ERP29: variants seen among roughly 807,000 people sequenced by gnomAD.
ERP29 encodes endoplasmic reticulum protein 29, also known as endoplasmic reticulum resident protein 29.
A neutral mutation model predicts 21.7 loss-of-function variants in ERP29; 14 were observed. The ratio of observed to expected loss-of-function variants is 0.64; its 90% confidence interval spans 0.43 to 1.01. ERP29 has a LOEUF of 1.01. Ranked by LOEUF, ERP29 falls within the 50% of genes least tolerant of loss-of-function variation. ERP29 has a pLI of 0.00. For missense variants in ERP29, 286 were observed against 327.3 expected (o/e 0.87, Z 0.97); for synonymous variants, 129 against 139.1 (o/e 0.93, Z 0.51).
chr12:112,022,744 T>C lies in ERP29; in HGVS notation c.*92T>C. On this transcript the variant is annotated 3_prime_UTR_variant, in exon 3 of 3. Transcript: ENST00000261735. ...GAGTCCCTTGTGGAATATAAGGGGG[T>C]AGTGGGAAAAGTGGTACTAACCCAC... The C allele has an allele frequency of 7.3e-7, 1 of 1,370,676 alleles. No homozygotes were observed. The highest frequency in any genetic ancestry group is 9.9e-7 in the Non-Finnish European group (1 of 1,013,034). The allele number at this position is 1,370,676 out of a possible 1,614,324, so 84.9% of individuals were successfully genotyped here.
chr12:112,018,481 G>A (rs1245862043), intron 1 of ERP29, among the ~76,000 whole-genome samples: 1 of 152,184 alleles, frequency 6.6e-6, no homozygotes, highest in Non-Finnish European at 1.5e-5. Context: ...GAAAAAACTT[G>A]ATAGGGATCA....
At chr12:112,018,471 GA>G (rs986807784) in intron 1 of ERP29, among the ~76,000 whole-genome samples, 1 of 152,174 alleles carries the variant, frequency 6.6e-6, no homozygotes, top group African/African-American at 2.4e-5. Context: ...TGCCTGTGAT[GA>G]AAAAACTTGA....
rs527527361 is a variant in ERP29, at chr12:112,019,535, G to C, written c.145-221G>C. The C allele has an allele frequency of 1.6e-4, 91 of 579,198 alleles. 1 individual carries two copies. The East Asian group carries it at 2.8e-3, about 18-fold the overall frequency. The allele number at this position is 579,198 out of a possible 1,614,324, so 35.9% of individuals were successfully genotyped here. On this transcript the variant is annotated intron_variant, in intron 1 of 2. Transcript: ENST00000261735. The stretch of plus-strand genomic sequence containing the variant: ...TCTGGACAGGGTTGTGTATATCTTT[G>C]ATTAGTGTGAACAGGTACTAATGGG...
chr12:112,014,441 T>C (rs1414238863), intron 1 of ERP29: 1 of 152,290 alleles, frequency 6.6e-6, no homozygotes, highest in Non-Finnish European at 1.5e-5. Context: ...GGAAAAGTTG[T>C]CTTCCATGAA....
chr12:112,017,773 C>CTT (rs1277916971), intron 1 of ERP29, among the ~76,000 whole-genome samples: 1 of 131,908 alleles, frequency 7.6e-6, no homozygotes. Context: ...AACATTGTAT[C>CTT]TTTTTTTTTC....
chr12:112,021,895 T>C (rs1269393502), intron 2 of ERP29, among the ~76,000 whole-genome samples: 1 of 152,180 alleles, frequency 6.6e-6, no homozygotes, highest in Non-Finnish European at 1.5e-5. Flanking sequence ...AGTGGGCATA[T>C]AATAAATATT....
chr12:112,018,932 T>C (rs944804821), intron 1 of ERP29: 2 of 152,196 alleles, frequency 1.3e-5, no homozygotes, highest in African/African-American at 4.8e-5. Context: ...TACATTTCCA[T>C]CAGAATAGAC....
In ERP29 at chr12:112,013,592, A is replaced by G. The variant is rs143957874; in HGVS notation, c.127A>G (p.Thr43Ala). 5 of 1,600,666 alleles carry G rather than the reference A, an allele frequency of 3.1e-6. No homozygotes were observed. The African/African-American group carries it at 6.8e-5, about 22-fold the overall frequency. The change falls in exon 1 of 3, where the codon ACG becomes GCG. Residue 43 changes from threonine (T) to alanine (A), a missense_variant. By Grantham distance (58) the Thr-to-Ala change is moderately conservative. Transcript: ENST00000261735. ...LHTKGALPLD[T>A]VTFYKVIPKS... is the part of the protein sequence containing the mutation. ...CACCAAGGGCGCCCTTCCCCTGGATACGGTCACTTTCTACAAGGTAACCGG... is the reference window on the plus strand; with the variant it reads ...CACCAAGGGCGCCCTTCCCCTGGATGCGGTCACTTTCTACAAGGTAACCGG...
chr12:112,016,755 G>A (rs1317959629), intron 1 of ERP29, among the ~76,000 whole-genome samples: 1 of 152,158 alleles, frequency 6.6e-6, no homozygotes, highest in Non-Finnish European at 1.5e-5. Context: ...GCCGGACGTG[G>A]TGGCGGGCAC....
chr12:112,020,470 T>C (rs1451575189), intron 2 of ERP29, among the ~76,000 whole-genome samples: 1 of 152,118 alleles, frequency 6.6e-6, no homozygotes, highest in East Asian at 1.9e-4. Context: ...CTCCATGTTA[T>C]ACTTCAGGAA....
chr12:112,015,448 A>G (rs565598193), intron 1 of ERP29: 1 of 152,546 alleles, frequency 6.6e-6, no homozygotes, highest in South Asian at 2.1e-4. Flanking sequence ...TCATCATGCC[A>G]TGACACTCCA....
At chr12:112,015,689 A>G (rs2078007676) in intron 1 of ERP29, among the ~76,000 whole-genome samples, 1 of 152,124 alleles carries the variant, frequency 6.6e-6, no homozygotes. Context: ...AGTGTTTTCT[A>G]CTATTACCAC....
intron 1 of ERP29, among the ~76,000 whole-genome samples, chr12:112,016,071 T>A (rs534489467): frequency 4.7e-4 from 71 of 152,372 alleles, no homozygotes; most frequent in African/African-American, 1.5e-3. Flanking sequence ...ACTGATTTTT[T>A]AAAAATCTAT....
At position 112,022,387 on chromosome 12, in the gene ERP29, T is replaced by G; in HGVS notation, c.521T>G (p.Val174Gly). The part of the protein sequence containing the change: ...LAGEFIRASG[V>G]EARQALLKQG... ...GGGGAGTTCATCAGGGCCTCTGGTGTGGAGGCCCGCCAGGCCCTCTTGAAG... is the reference window on the plus strand; with the variant it reads ...GGGGAGTTCATCAGGGCCTCTGGTGGGGAGGCCCGCCAGGCCCTCTTGAAG... Residue 174 changes from valine (V) to glycine (G), a missense_variant, in exon 3 of 3, where the codon GTG (valine) becomes GGG (glycine). Coordinates refer to ENST00000261735, the MANE Select transcript of ERP29 (RefSeq NM_006817.4). 1 of 1,614,102 alleles carries G rather than the reference T, an allele frequency of 6.2e-7. No individual in the cohort carries two copies. The highest frequency in any genetic ancestry group is 1.7e-5 in the Admixed American group (1 of 60,024).
intron 1 of ERP29, among the ~76,000 whole-genome samples, chr12:112,016,708 G>T (rs2078014720): frequency 6.6e-6 from 1 of 152,100 alleles, no homozygotes; most frequent in South Asian, 2.1e-4. Context: ...GGCTAACACG[G>T]TGAAACCCTG....
At chr12:112,015,945 A>G (rs1321183893) in intron 1 of ERP29, among the ~76,000 whole-genome samples, 1 of 152,198 alleles carries the variant, frequency 6.6e-6, no homozygotes, top group Non-Finnish European at 1.5e-5. Context: ...GTTACTTCTC[A>G]TCATTCGGGC....
Position 112,022,294 on chromosome 12 carries a change from G to A in ERP29, c.428G>A (p.Arg143His), listed in dbSNP as rs895507250. 8.1e-6 allele frequency: 13 copies of A among 1,612,896 alleles called. No individual in the cohort carries two copies. Among genetic ancestry groups the A allele is most frequent in the East Asian group, 2.2e-5 (1 of 44,878 alleles). The part of the protein sequence containing the change: ...TGAVKVGAIQ[R>H]WLKGQGVYLG... ...GCAGTTAAGGTTGGAGCCATCCAGC[G>A]CTGGCTGAAGGGGCAAGGGGTCTAC... is the stretch of plus-strand genomic sequence containing the variant. The change falls in exon 3 of 3, where the codon CGC (arginine) becomes CAC (histidine). Residue 143 changes from arginine (R) to histidine (H), a missense_variant. Arg to His is a conservative substitution (Grantham distance 29, BLOSUM62 0). Coordinates refer to ENST00000261735, the MANE Select transcript of ERP29 (RefSeq NM_006817.4).
intron 1 of ERP29, among the ~76,000 whole-genome samples, chr12:112,015,996 A>G (rs970930650): frequency 6.6e-6 from 1 of 151,930 alleles, no homozygotes; most frequent in African/African-American, 2.4e-5. Context: ...TCCTTGATTT[A>G]TCTTCCCCCC....
chr12:112,021,873 C>T (rs1327978522), intron 2 of ERP29, among the ~76,000 whole-genome samples: 1 of 152,118 alleles, frequency 6.6e-6, no homozygotes, highest in Admixed American at 6.5e-5. Flanking sequence ...CCTAGAACAG[C>T]ATCTGACACA....
Sources: gnomAD v4.1 joint callset for allele counts (sites outside exome capture counted in the v4.1 genomes callset) on GRCh38, gnomAD v4.1.1 for gene constraint, MANE v1.5 for transcripts, NCBI Gene and HGNC (gene_info 2026-07-23, HGNC 2026-07-21) for gene names.